AMIGO2: variants seen among roughly 807,000 people sequenced by gnomAD.
AMIGO2 encodes the protein amphoterin-induced protein 2.
AMIGO2 carries 15 observed loss-of-function variants against 23.7 expected under a neutral mutation model. The observed-to-expected ratio is 0.63, with a 90% CI of 0.42 to 0.98. AMIGO2 has a LOEUF of 0.98. AMIGO2 is among the 50% of genes least tolerant of loss of function. The pLI, the probability that AMIGO2 is intolerant of heterozygous loss-of-function variation, is 0.00. For missense variants in AMIGO2, 561 were observed against 633.1 expected (o/e 0.89, Z 1.22); for synonymous variants, 264 against 252.3 (o/e 1.05, Z -0.44).
Position 47,078,285 on chromosome 12 carries a change from G to C in AMIGO2, c.718C>G (p.Leu240Val), listed in dbSNP as rs760329119. Residue 240 changes from leucine to valine, a missense_variant, in exon 3 of 3, where the codon CTG becomes GTG. Transcript: ENST00000550413. ...FVCDCSLYSLLVFWYRRHFSS... is the reference protein window; with the variant it reads ...FVCDCSLYSLVVFWYRRHFSS... The stretch of plus-strand genomic sequence containing the variant: ...AAGTGCCTACGATACCAAAAGACCA[G>C]CAAGGAGTACAGGGAACAGTCACAG... The C allele has an allele frequency of 5.1e-5, 82 of 1,613,960 alleles. No homozygotes were observed. The highest frequency in any genetic ancestry group is 6.4e-5 in the Non-Finnish European group (76 of 1,180,046).
At position 47,078,517 on chromosome 12, in the gene AMIGO2, T is replaced by G. The variant is rs1941896094; in HGVS notation, c.486A>C (p.Gly162=). 6.2e-7 allele frequency: 1 copy of G among 1,614,156 alleles called. No individual in the cohort carries two copies. The highest frequency in any genetic ancestry group is 1.3e-5 in the African/African-American group (1 of 75,032). Residue 162 remains glycine, a synonymous_variant, in exon 3 of 3, where the codon GGA becomes GGC. Coordinates refer to ENST00000550413, the MANE Select transcript of AMIGO2 (RefSeq NM_001370299.1). ...AGAGTTTCTGCAACTGGGAGAGCCC[T>G]CCAAACGCTGAAGGATCGAGATAGG... ...HISYLDPSAF[G]GLSQLQKLYL...
In AMIGO2 at chr12:47,077,183, T is replaced by C; in HGVS notation, c.*251A>G. On this transcript the variant is annotated 3_prime_UTR_variant, in exon 3 of 3. Coordinates refer to ENST00000550413, the MANE Select transcript of AMIGO2 (RefSeq NM_001370299.1). Reference sequence around the variant, plus strand: ...TATCACCTTTGGGCCTACTCTGAAATTACCAATAGTGCTAAAAGCTAAGAT... The same window carrying C: ...TATCACCTTTGGGCCTACTCTGAAACTACCAATAGTGCTAAAAGCTAAGAT... 2.2e-6 allele frequency: 1 copy of C among 460,514 alleles called. No individual in the cohort carries two copies. Among genetic ancestry groups the C allele is most frequent in the Non-Finnish European group, 3.8e-6 (1 of 263,372 alleles). 28.5% of individuals were successfully genotyped at this position (460,514 alleles called of 1,614,324 possible).
chr12:47,079,414 C>G (rs1941917816), intron 1 of AMIGO2, 48 bp downstream of exon 1: 1 of 161,180 alleles, frequency 6.2e-6, no homozygotes, highest in South Asian at 1.9e-4. Context: ...ACGCTACAAA[C>G]AATTAAACGG....
Position 47,078,283 on chromosome 12 carries a change from C to T in AMIGO2, c.720G>A (p.Leu240=). Residue 240 remains leucine, a synonymous_variant, in exon 3 of 3, where the codon CTG becomes CTA. Coordinates refer to ENST00000550413, the MANE Select transcript of AMIGO2 (RefSeq NM_001370299.1). ...FVCDCSLYSL[L]VFWYRRHFSS... Reference sequence around the variant, plus strand: ...TAAAGTGCCTACGATACCAAAAGACCAGCAAGGAGTACAGGGAACAGTCAC... The same window carrying T: ...TAAAGTGCCTACGATACCAAAAGACTAGCAAGGAGTACAGGGAACAGTCAC... 1 of 1,614,068 alleles carries T rather than the reference C, an allele frequency of 6.2e-7. No homozygotes were observed. Among genetic ancestry groups the T allele is most frequent in the Non-Finnish European group, 8.5e-7 (1 of 1,180,038 alleles).
At position 47,077,786 on chromosome 12, in the gene AMIGO2, C is replaced by A. The variant is rs1208773161; in HGVS notation, c.1217G>T (p.Cys406Phe). Residue 406 changes from cysteine to phenylalanine, a missense_variant, in exon 3 of 3, where the codon TGC (cysteine) becomes TTC (phenylalanine). Physicochemically the swap from Cys to Phe is radical, Grantham distance 205. Coordinates refer to ENST00000550413, the MANE Select transcript of AMIGO2 (RefSeq NM_001370299.1). ...FNTAFTTLAA[C>F]VASIVLVLLY... ...AAGTACCAAAACGATACTGGCCACGCAAGCAGCAAGAGTGGTAAAAGCTGT... is the reference window on the plus strand; with the variant it reads ...AAGTACCAAAACGATACTGGCCACGAAAGCAGCAAGAGTGGTAAAAGCTGT... 1 of 1,614,214 alleles carries A rather than the reference C, an allele frequency of 6.2e-7. No individual in the cohort carries two copies. Among genetic ancestry groups the A allele is most frequent in the Non-Finnish European group, 8.5e-7 (1 of 1,180,034 alleles).
rs770382625 is a variant in AMIGO2 at position 47,078,289 on chromosome 12, G to A, written c.714C>T (p.Ser238=). ...GCCTACGATACCAAAAGACCAGCAA[G>A]GAGTACAGGGAACAGTCACAGACAA... is the stretch of plus-strand genomic sequence containing the variant. The part of the protein sequence containing the change: ...NPFVCDCSLY[S]LLVFWYRRHF... The change falls in exon 3 of 3, where the codon TCC becomes TCT. Residue 238 remains serine, a synonymous_variant. Transcript: ENST00000550413. The A allele has an allele frequency of 8.1e-6, 13 of 1,613,970 alleles. No individual in the cohort carries two copies. In the East Asian group the frequency reaches 2.7e-4, roughly 33 times the overall value.
Position 47,079,132 on chromosome 12 carries a change from A to T in AMIGO2, c.-64+10T>A. 1 of 1,319,910 alleles carries T rather than the reference A, an allele frequency of 7.6e-7. No individual in the cohort carries two copies. The allele number at this position is 1,319,910 out of a possible 1,614,324, so 81.8% of individuals were successfully genotyped here. On this transcript the variant is annotated intron_variant, in intron 2 of 2. Coordinates refer to ENST00000550413, the MANE Select transcript of AMIGO2 (RefSeq NM_001370299.1). Reference sequence around the variant, plus strand: ...ACTGACTACCACTAGTTAACCCATAAGAGCCATACCTTACTTTCTTTCCAA... The same window carrying T: ...ACTGACTACCACTAGTTAACCCATATGAGCCATACCTTACTTTCTTTCCAA...
In AMIGO2 at chr12:47,078,984, T is replaced by C. The variant is rs1941907000; in HGVS notation, c.19A>G (p.Thr7Ala). The part of the protein sequence containing the change: MSLRVH[T>A]LPTLLGAVVR... The stretch of plus-strand genomic sequence containing the variant: ...ACGGCTCCAAGCAGGGTGGGCAGAG[T>C]GTGTACACGTAACGACATTATGGTC... Residue 7 changes from threonine (T) to alanine (A), a missense_variant, in exon 3 of 3, where the codon ACT (threonine) becomes GCT (alanine). Transcript: ENST00000550413. The C allele has an allele frequency of 6.2e-7, 1 of 1,605,888 alleles. No homozygotes were observed. The highest frequency in any genetic ancestry group is 1.3e-5 in the African/African-American group (1 of 74,612).
Position 47,077,316 on chromosome 12 carries a change from G to T in AMIGO2, c.*118C>A. The T allele has an allele frequency of 3.8e-6, 5 of 1,307,922 alleles. No individual in the cohort carries two copies. The highest frequency in any genetic ancestry group is 5.1e-6 in the Non-Finnish European group (5 of 974,428). The allele number at this position is 1,307,922 out of a possible 1,614,324, so 81.0% of individuals were successfully genotyped here. ...CCTACCAATCATTTTAAGAGAATTTGGTTGTATTTCAAAGAACAAAACAAC... is the reference window on the plus strand; with the variant it reads ...CCTACCAATCATTTTAAGAGAATTTTGTTGTATTTCAAAGAACAAAACAAC... On this transcript the variant is annotated 3_prime_UTR_variant, in exon 3 of 3. Transcript: ENST00000550413.
At position 47,078,556 on chromosome 12, in the gene AMIGO2, GT is replaced by G. The variant is rs1453446453; in HGVS notation, c.446del (p.Tyr149SerfsTer24). 6.2e-7 allele frequency: 1 copy of G among 1,614,212 alleles called. No homozygotes were observed. The highest frequency in any genetic ancestry group is 1.7e-5 in the Admixed American group (1 of 60,026). ...ELKVLEVLLL[Y>X]NNHISYLDPS... The stretch of plus-strand genomic sequence containing the variant: ...GATCGAGATAGGATATGTGATTGTT[GT>G]AAAGCAGAAGCACTTCCAGAACCTT... On this transcript the variant is annotated frameshift_variant, in exon 3 of 3. Transcript: ENST00000550413. LOFTEE classifies it high-confidence loss of function.
At position 47,077,487 on chromosome 12, in the gene AMIGO2, A is replaced by G. The variant is rs145162431; in HGVS notation, c.1516T>C (p.Ser506Pro). 18 of 1,614,174 alleles carry G rather than the reference A, an allele frequency of 1.1e-5. No individual in the cohort carries two copies. In the African/African-American group the frequency reaches 1.7e-4, roughly 16 times the overall value. Residue 506 changes from serine (S) to proline (P), a missense_variant, in exon 3 of 3, where the codon TCA (serine) becomes CCA (proline). Transcript: ENST00000550413. Reference protein sequence around the residue: ...ILKSTRGKSDSDSVNSVFSDT... With the variant: ...ILKSTRGKSDPDSVNSVFSDT... ...GAAAACACTGAATTGACTGAATCTG[A>G]GTCAGATTTCCCCCTCGTGGACTTT... is the stretch of plus-strand genomic sequence containing the variant.
chr12:47,077,510 T>C lies in AMIGO2; in HGVS notation c.1493A>G (p.Lys498Arg). Residue 498 changes from lysine to arginine, a missense_variant, in exon 3 of 3, where the codon AAG becomes AGG. By Grantham distance (26) the Lys-to-Arg change is conservative (BLOSUM62 2). Coordinates refer to ENST00000550413, the MANE Select transcript of AMIGO2 (RefSeq NM_001370299.1). ...TGAGTCAGATTTCCCCCTCGTGGAC[T>C]TTAGGATGCCCTCAGCTATCACTGC... Reference protein sequence around the residue: ...SEAVIAEGILKSTRGKSDSDS... With the variant: ...SEAVIAEGILRSTRGKSDSDS... The C allele has an allele frequency of 6.2e-7, 1 of 1,614,216 alleles. No homozygotes were observed. Among genetic ancestry groups the C allele is most frequent in the Non-Finnish European group, 8.5e-7 (1 of 1,180,028 alleles).
In AMIGO2 at chr12:47,079,127, C is replaced by A; in HGVS notation, c.-64+15G>T. 3 of 1,323,764 alleles carry A rather than the reference C, an allele frequency of 2.3e-6. No individual in the cohort carries two copies. Among genetic ancestry groups the A allele is most frequent in the Non-Finnish European group, 3.1e-6 (3 of 975,800 alleles). 82.0% of individuals were successfully genotyped at this position (1,323,764 alleles called of 1,614,324 possible). A position where few individuals can be genotyped will look rare whatever the true frequency, so the allele number is the denominator to read the frequency against. ...CAGAAACTGACTACCACTAGTTAACCCATAAGAGCCATACCTTACTTTCTT... is the reference window on the plus strand; with the variant it reads ...CAGAAACTGACTACCACTAGTTAACACATAAGAGCCATACCTTACTTTCTT... On this transcript the variant is annotated intron_variant, in intron 2 of 2. Transcript: ENST00000550413.
At position 47,076,921 on chromosome 12, in the gene AMIGO2, G is replaced by T. The variant is rs542243913; in HGVS notation, c.*513C>A. ...TTTATCAGTGTAGTCTATTCATTCT[G>T]GTCTAAAACGGTAATTTTGGCTGAA... On this transcript the variant is annotated 3_prime_UTR_variant, in exon 3 of 3. Coordinates refer to ENST00000550413, the MANE Select transcript of AMIGO2 (RefSeq NM_001370299.1). 1 of 157,562 alleles carries T rather than the reference G, an allele frequency of 6.3e-6. No homozygotes were observed. The highest frequency in any genetic ancestry group is 1.4e-5 in the Non-Finnish European group (1 of 71,702). The allele number at this position is 157,562 out of a possible 1,614,324, so 9.8% of individuals were successfully genotyped here.
Position 47,077,634 on chromosome 12 carries a change from C to T in AMIGO2, c.1369G>A (p.Glu457Lys). 6.2e-7 allele frequency: 1 copy of T among 1,614,226 alleles called. No individual in the cohort carries two copies. The highest frequency in any genetic ancestry group is 8.5e-7 in the Non-Finnish European group (1 of 1,180,048). Residue 457 changes from glutamate to lysine, a missense_variant, in exon 3 of 3, where the codon GAA (glutamate) becomes AAA (lysine). Physicochemically the swap from Glu to Lys is moderately conservative, Grantham distance 56. Coordinates refer to ENST00000550413, the MANE Select transcript of AMIGO2 (RefSeq NM_001370299.1). ...CTTTTACCTGCACCTGCCTTCCGTTCATCAGCGGAGGCATCACTAGCGGGG... is the reference window on the plus strand; with the variant it reads ...CTTTTACCTGCACCTGCCTTCCGTTTATCAGCGGAGGCATCACTAGCGGGG... ...PGPASDASAD[E>K]RKAGAGKRVV...
In AMIGO2 at chr12:47,078,290, G is replaced by T. The variant is rs779804434; in HGVS notation, c.713C>A (p.Ser238Tyr). The T allele has an allele frequency of 2.5e-6, 4 of 1,614,028 alleles. No individual in the cohort carries two copies. The South Asian group carries it at 3.3e-5, about 13-fold the overall frequency. Residue 238 changes from serine (S) to tyrosine (Y), a missense_variant, in exon 3 of 3, where the codon TCC becomes TAC. Ser to Tyr is a moderately radical substitution (Grantham distance 144). Coordinates refer to ENST00000550413, the MANE Select transcript of AMIGO2 (RefSeq NM_001370299.1). ...CCTACGATACCAAAAGACCAGCAAG[G>T]AGTACAGGGAACAGTCACAGACAAA... The part of the protein sequence containing the change: ...NPFVCDCSLY[S>Y]LLVFWYRRHF...
In AMIGO2 at chr12:47,077,882, T is replaced by C. The variant is rs1251615327; in HGVS notation, c.1121A>G (p.Glu374Gly). ...IAMNKQRLLNETVDVTINVSN... is the reference protein window; with the variant it reads ...IAMNKQRLLNGTVDVTINVSN... Reference sequence around the variant, plus strand: ...CACATTTATTGTGACGTCCACAGTTTCATTTAACAGGCGTTGCTTATTCAT... The same window carrying C: ...CACATTTATTGTGACGTCCACAGTTCCATTTAACAGGCGTTGCTTATTCAT... The change falls in exon 3 of 3, where the codon GAA becomes GGA. Residue 374 changes from glutamate to glycine, a missense_variant. Transcript: ENST00000550413. 1 of 1,614,096 alleles carries C rather than the reference T, an allele frequency of 6.2e-7. No individual in the cohort carries two copies. The highest frequency in any genetic ancestry group is 2.2e-5 in the East Asian group (1 of 44,900).
Position 47,079,023 on chromosome 12 carries a change from T to C in AMIGO2, c.-21A>G. Reference sequence around the variant, plus strand: ...GACATTATGGTCGCCTCTGAGTCTCTTCCCGGTGTCTTTTCCACCGGCTCA... The same window carrying C: ...GACATTATGGTCGCCTCTGAGTCTCCTCCCGGTGTCTTTTCCACCGGCTCA... On this transcript the variant is annotated 5_prime_UTR_variant, in exon 3 of 3. Transcript: ENST00000550413. 6.5e-7 allele frequency: 1 copy of C among 1,541,274 alleles called. No homozygotes were observed. Among genetic ancestry groups the C allele is most frequent in the Non-Finnish European group, 8.7e-7 (1 of 1,143,790 alleles).
rs143243845 is a variant in AMIGO2 at position 47,078,310 on chromosome 12, G to C, written c.693C>G (p.Val231=). 1.9e-6 allele frequency: 3 copies of C among 1,613,986 alleles called. No homozygotes were observed. The highest frequency in any genetic ancestry group is 2.2e-5 in the East Asian group (1 of 44,890). The part of the protein sequence containing the change: ...RGIYLHGNPF[V]CDCSLYSLLV... Reference sequence around the variant, plus strand: ...GCAAGGAGTACAGGGAACAGTCACAGACAAATGGGTTTCCATGAAGGTAGA... The same window carrying C: ...GCAAGGAGTACAGGGAACAGTCACACACAAATGGGTTTCCATGAAGGTAGA... Residue 231 remains valine (V), a synonymous_variant, in exon 3 of 3, where the codon GTC becomes GTG. Transcript: ENST00000550413.
Sources: gnomAD v4.1 joint callset for allele counts on GRCh38, gnomAD v4.1.1 for gene constraint, MANE v1.5 for transcripts, NCBI Gene and HGNC (gene_info 2026-07-23, HGNC 2026-07-21) for gene names.